The following ADAMTS20 variants were observed in gnomAD, a reference collection of about 807,000 sequenced individuals.
The protein encoded by ADAMTS20 is ADAM metallopeptidase with thrombospondin type 1 motif 20.
In ADAMTS20, 225 loss-of-function variants were observed where a neutral mutation model predicts 260.1. The observed-to-expected ratio is 0.87, with a 90% CI of 0.78 to 0.97. The LOEUF is 0.97. Among genes scored for constraint, ADAMTS20 ranks in the 50% least tolerant of loss-of-function variants. The pLI, the probability that ADAMTS20 is intolerant of heterozygous loss-of-function variation, is 0.00. For missense variants in ADAMTS20, 2,400 were observed against 2,337.7 expected, an observed-to-expected ratio of 1.03 and a Z score of -0.55; for synonymous variants, 802 against 769.5, an observed-to-expected ratio of 1.04 and a Z score of -0.70.
chr12:43,536,475 A>G (rs1943296632), intron 2 of ADAMTS20, among the ~76,000 whole-genome samples: 1 of 151,284 alleles, frequency 6.6e-6, no homozygotes, highest in Non-Finnish European at 1.5e-5. Context: ...ACCAATAAAT[A>G]AAAATATAAT....
At chr12:43,455,785 C>T (rs965475538) in intron 11 of ADAMTS20, among the ~76,000 whole-genome samples, 4 of 151,636 alleles carry the variant, frequency 2.6e-5, no homozygotes, top group African/African-American at 7.3e-5. Context: ...CACAGCTTAC[C>T]GCAACCTCCG....
At chr12:43,408,977 A>C (rs1592053411) in intron 28 of ADAMTS20, among the ~76,000 whole-genome samples, 1 of 152,300 alleles carries the variant, frequency 6.6e-6, no homozygotes, top group East Asian at 1.9e-4. Context: ...AGAAACCTGA[A>C]ATAGTGCTTG....
chr12:43,416,645 C>T (rs1345109282), intron 28 of ADAMTS20, among the ~76,000 whole-genome samples: 1 of 151,866 alleles, frequency 6.6e-6, no homozygotes, highest in African/African-American at 2.4e-5. Context: ...CTCAGCCTCC[C>T]GAGTAGCTGG....
intron 18 of ADAMTS20, among the ~76,000 whole-genome samples, chr12:43,437,144 CAGA>C (rs72062730): frequency 0.023 from 3,510 of 151,932 alleles, 59 homozygotes; most frequent in South Asian, 0.033. Flanking sequence ...AGTGAGGGAG[CAGA>C]AGAAAACTTA....
At chr12:43,485,110 A>AAC (rs1565568250) in intron 7 of ADAMTS20, among the ~76,000 whole-genome samples, 1 of 135,712 alleles carries the variant, frequency 7.4e-6, no homozygotes, top group Non-Finnish European at 1.6e-5. Context: ...AAAAAAAAAA[A>AAC]AGCAACAACA....
chr12:43,461,996 A>G (rs17093327), intron 11 of ADAMTS20, among the ~76,000 whole-genome samples: 18,184 of 152,230 alleles, frequency 0.12, 1,241 homozygotes, highest in Admixed American at 0.22. Context: ...GTAACCAATT[A>G]ATTTGTGATG....
Position 43,461,779 on chromosome 12 carries a change from C to G in ADAMTS20, c.1614+1116G>C, listed in dbSNP as rs564723765. The stretch of plus-strand genomic sequence containing the variant: ...ATTTACTAATACTAGTCACAGGAAC[C>G]GAGAAAAAAATAAAGTCCTTTAAAT... On this transcript the variant is annotated intron_variant, in intron 11 of 38. Transcript: ENST00000389420. 5.1e-4 allele frequency among the ~76,000 whole-genome samples: 78 copies of G among 151,814 alleles called. 2 individuals carry two copies. Among genetic ancestry groups the G allele is most frequent in the African/African-American group, 1.7e-3 (72 of 41,396 alleles).
intron 28 of ADAMTS20, among the ~76,000 whole-genome samples, chr12:43,411,057 A>C (rs1431803604): frequency 6.6e-6 from 1 of 152,226 alleles, no homozygotes; most frequent in Non-Finnish European, 1.5e-5. Context: ...AAAATATTTC[A>C]AGAATCACAA....
chr12:43,459,931 C>G (rs1013191093), intron 11 of ADAMTS20, among the ~76,000 whole-genome samples: 5 of 152,126 alleles, frequency 3.3e-5, no homozygotes, highest in African/African-American at 1.2e-4. Context: ...AAAATTAACT[C>G]ATTATCAGAA....
At chr12:43,419,145 T>A (rs1349562999) in intron 28 of ADAMTS20, among the ~76,000 whole-genome samples, 1 of 152,142 alleles carries the variant, frequency 6.6e-6, no homozygotes, top group Non-Finnish European at 1.5e-5. Flanking sequence ...ATTATTCAAC[T>A]TACCCTTTTA....
chr12:43,435,453 A>T (rs923807913), intron 18 of ADAMTS20, among the ~76,000 whole-genome samples: 1 of 151,966 alleles, frequency 6.6e-6, no homozygotes, highest in Middle Eastern at 3.2e-3. Flanking sequence ...ATCCTGGCTA[A>T]CAAGGTGAAA....
At chr12:43,549,118 A>T (rs1456227312) in intron 2 of ADAMTS20, among the ~76,000 whole-genome samples, 1 of 151,960 alleles carries the variant, frequency 6.6e-6, no homozygotes, top group Admixed American at 6.5e-5. Flanking sequence ...TAAATGATTG[A>T]TTTCATTTTT....
chr12:43,475,316 A>G (rs961543511), intron 7 of ADAMTS20, among the ~76,000 whole-genome samples: 3 of 122,986 alleles, frequency 2.4e-5, no homozygotes, highest in Admixed American at 8.9e-5. Context: ...GAGAACTACA[A>G]ACCACTGCTC....
chr12:43,373,078 CA>C (rs1192483897), intron 36 of ADAMTS20, among the ~76,000 whole-genome samples: 3 of 152,210 alleles, frequency 2.0e-5, no homozygotes, highest in Non-Finnish European at 4.4e-5. Context: ...AAAATGGTAT[CA>C]GTCAGAAGGG....
chr12:43,408,041 A>G (rs932343268), intron 28 of ADAMTS20, among the ~76,000 whole-genome samples: 8 of 152,224 alleles, frequency 5.3e-5, no homozygotes, highest in African/African-American at 1.9e-4. Flanking sequence ...ATGAACCTTT[A>G]CAAGTATAGG....
rs956403827 is a variant in ADAMTS20 at position 43,541,385 on chromosome 12, G to T, written c.454-9190C>A. Among the ~76,000 whole-genome samples the T allele has an allele frequency of 1.1e-4, 16 of 152,242 alleles. No homozygotes were observed. The East Asian group carries it at 2.3e-3, about 22-fold the overall frequency. On this transcript the variant is annotated intron_variant, in intron 2 of 38. Coordinates refer to ENST00000389420, the MANE Select transcript of ADAMTS20 (RefSeq NM_025003.5). ...TGTATCTACCCAATTTCCTAGGAAG[G>T]TTAATGTGTGTTTAAGTGATATTAA...
chr12:43,502,046 C>A (rs1376859052), intron 4 of ADAMTS20, 106 bp downstream of exon 4: 18 of 1,101,590 alleles, frequency 1.6e-5, no homozygotes, highest in Non-Finnish European at 2.0e-5. Flanking sequence ...AACCTAGATA[C>A]AAAATTACAT....
chr12:43,375,428 G>A lies in ADAMTS20; in HGVS notation c.5397C>T (p.Tyr1799=). ...CAATTCTTATTTTGCTGAAAACAGT[G>A]TATCCAGCAGCTAAGTGTCCATTGT... ...ECDNGHLAAG[Y]TVFSKIRIDL... is the part of the protein sequence containing the mutation. Residue 1799 remains tyrosine, a synonymous_variant, in exon 36 of 39, where the codon TAC becomes TAT. Coordinates refer to ENST00000389420, the MANE Select transcript of ADAMTS20 (RefSeq NM_025003.5). 6.2e-7 allele frequency: 1 copy of A among 1,613,610 alleles called. No individual in the cohort carries two copies. Among genetic ancestry groups the A allele is most frequent in the Non-Finnish European group, 8.5e-7 (1 of 1,179,692 alleles).
intron 3 of ADAMTS20, among the ~76,000 whole-genome samples, chr12:43,520,122 T>G (rs1943051361): frequency 6.6e-6 from 1 of 151,770 alleles, no homozygotes; most frequent in Non-Finnish European, 1.5e-5. Context: ...AAAAAAGGCT[T>G]CTTTTGGAGG....
Sources: allele counts gnomAD v4.1 joint callset (sites outside exome capture counted in the v4.1 genomes callset), GRCh38; gene constraint gnomAD v4.1.1; transcripts MANE v1.5; gene names NCBI Gene and HGNC (gene_info 2026-07-23, HGNC 2026-07-21).